STIL: variants seen among roughly 807,000 people sequenced by gnomAD.
STIL encodes STIL centriolar assembly protein.
STIL carries 55 observed loss-of-function variants against 110.1 expected under a neutral mutation model. The ratio of observed to expected loss-of-function variants is 0.50; its 90% CI spans 0.40 to 0.63. The LOEUF (loss-of-function observed/expected upper bound fraction) is 0.63. STIL is among the 20% of genes least tolerant of loss of function. The probability of loss-of-function intolerance (pLI) is 0.00; values close to 1 mark genes in which losing one functional copy is unlikely to be tolerated. For synonymous variants in STIL, 481 were observed against 530.0 expected (o/e 0.91, Z 1.27); for missense variants, 1,358 against 1,530.0 (o/e 0.89, Z 1.87).
At chr1:47,289,057 A>C (rs1645393823) in intron 9 of STIL, among the ~76,000 whole-genome samples, 1 of 85,154 alleles carries the variant, frequency 1.2e-5, no homozygotes, top group South Asian at 4.1e-4. Flanking sequence ...GTGAGATTCC[A>C]TCTCAAAAAA....
Position 47,304,946 on chromosome 1 carries a change from G to A in STIL, c.95C>T (p.Ala32Val). The part of the protein sequence containing the change: ...VPFHFPPSKC[A>V]LWNPTPTGDF... The stretch of plus-strand genomic sequence containing the variant: ...TCCAGTTGGCGTTGGGTTCCAAAGT[G>A]CACATTTTGATGGAGGAAAGTGGAA... The change falls in exon 3 of 17, where the codon GCA becomes GTA. Residue 32 changes from alanine (A) to valine (V), a missense_variant. Transcript: ENST00000371877. 6.2e-7 allele frequency: 1 copy of A among 1,613,978 alleles called. No individual in the cohort carries two copies.
At chr1:47,295,378 G>C (rs961643252) in intron 7 of STIL, among the ~76,000 whole-genome samples, 1 of 151,898 alleles carries the variant, frequency 6.6e-6, no homozygotes, top group Non-Finnish European at 1.5e-5. Flanking sequence ...CCACGGGTTC[G>C]AGACGAGCCT....
intron 7 of STIL, among the ~76,000 whole-genome samples, chr1:47,293,779 G>A (rs1336047268): frequency 6.6e-6 from 1 of 152,014 alleles, no homozygotes; most frequent in African/African-American, 2.4e-5. Context: ...TATCGAGAGA[G>A]AGAGAGAGAA....
intron 8 of STIL, among the ~76,000 whole-genome samples, chr1:47,291,392 AAAAATTT>A (rs1645485379): frequency 6.6e-6 from 1 of 151,666 alleles, no homozygotes; most frequent in South Asian, 2.1e-4. Context: ...ATAAATAAAT[AAAAATTT>A]AAAAATTAAA....
chr1:47,281,389 G>C (rs1305978579), intron 11 of STIL, among the ~76,000 whole-genome samples, 180 bp from the exon 12 acceptor site: 1 of 152,132 alleles, frequency 6.6e-6, no homozygotes, highest in East Asian at 1.9e-4. Flanking sequence ...CACTAGGAAT[G>C]CAATTGTAAG....
At position 47,264,473 on chromosome 1, in the gene STIL, C is replaced by T. The variant is rs140647201; in HGVS notation, c.2616-1357G>A. Among the ~76,000 whole-genome samples the T allele has an allele frequency of 3.6e-3, 548 of 152,208 alleles. 5 individuals carry two copies. The highest frequency in any genetic ancestry group is 0.012 in the African/African-American group (511 of 41,548). ...CAAGTATTATTAGGTATGCCCAAAG[C>T]ACAGCTTCTAAAGAAAAATATGGAT... On this transcript the variant is annotated intron_variant, in intron 14 of 16. Transcript: ENST00000371877.
rs74074062 is a variant in STIL, at chr1:47,279,972, A to C, written c.2217+269T>G. On this transcript the variant is annotated intron_variant, in intron 12 of 16. Transcript: ENST00000371877. ...TTATAACAGACTTTTCATTAGAGGC[A>C]AAAAATAAAAATACAATTCTATTGT... Among the ~76,000 whole-genome samples the C allele has an allele frequency of 0.047, 7,210 of 152,224 alleles. 565 individuals are homozygous for C. Among genetic ancestry groups the C allele is most frequent in the African/African-American group, 0.16 (6,707 of 41,490 alleles).
Position 47,280,858 on chromosome 1 carries a change from T to C in STIL, c.1600A>G (p.Ile534Val), listed in dbSNP as rs1453376249. 1 of 1,614,098 alleles carries C rather than the reference T, an allele frequency of 6.2e-7. No homozygotes were observed. Among genetic ancestry groups the C allele is most frequent in the African/African-American group, 1.3e-5 (1 of 74,942 alleles). Reference sequence around the variant, plus strand: ...GAAACTGTTTGGAGCTTTTCAAATATATCATGAGATGGCCCATTATGAGAA... The same window carrying C: ...GAAACTGTTTGGAGCTTTTCAAATACATCATGAGATGGCCCATTATGAGAA... The part of the protein sequence containing the change: ...PSSHNGPSHD[I>V]FEKLQTVSAG... Residue 534 changes from isoleucine to valine, a missense_variant, in exon 12 of 17, where the codon ATA (isoleucine) becomes GTA (valine). Coordinates refer to ENST00000371877, the MANE Select transcript of STIL (RefSeq NM_001048166.1).
intron 6 of STIL, among the ~76,000 whole-genome samples, chr1:47,298,932 G>A (rs1481879412): frequency 2.0e-5 from 3 of 151,776 alleles, no homozygotes; most frequent in Non-Finnish European, 4.4e-5. Flanking sequence ...GTTATTTTTA[G>A]TAGAGATGGA....
Position 47,302,270 on chromosome 1 carries a change from A to T in STIL, c.229T>A (p.Ser77Thr). Residue 77 changes from serine to threonine, a missense_variant, in exon 4 of 17, where the codon TCA (serine) becomes ACA (threonine). Ser to Thr is a moderately conservative substitution (Grantham distance 58, BLOSUM62 1). Coordinates refer to ENST00000371877, the MANE Select transcript of STIL (RefSeq NM_001048166.1). ...RHAKQNKKNS[S>T]CFLLGSLTAD... Reference sequence around the variant, plus strand: ...GTCAGAGAACCAAGTAAAAAGCATGACGAATTTTTTTTATTCTGCTTAGCA... The same window carrying T: ...GTCAGAGAACCAAGTAAAAAGCATGTCGAATTTTTTTTATTCTGCTTAGCA... 6.2e-7 allele frequency: 1 copy of T among 1,614,018 alleles called. No homozygotes were observed. Among genetic ancestry groups the T allele is most frequent in the Non-Finnish European group, 8.5e-7 (1 of 1,179,970 alleles).
At chr1:47,295,890 A>G in intron 6 of STIL, 42 bp from the exon 7 acceptor site, 1 of 1,388,024 alleles carries the variant, frequency 7.2e-7, no homozygotes, top group East Asian at 2.3e-5. Flanking sequence ...GAAATTATGT[A>G]CTTTTTACCT....
At chr1:47,270,545 A>G (rs988286056) in intron 13 of STIL, among the ~76,000 whole-genome samples, 2 of 151,800 alleles carry the variant, frequency 1.3e-5, no homozygotes, top group African/African-American at 4.8e-5. Flanking sequence ...TAAAATACAA[A>G]TCCCTAGGTT....
chr1:47,302,522 T>G (rs1645835614), intron 3 of STIL, among the ~76,000 whole-genome samples, 176 bp from the exon 4 acceptor site: 1 of 152,176 alleles, frequency 6.6e-6, no homozygotes, highest in Non-Finnish European at 1.5e-5. Flanking sequence ...GAAACTAGAA[T>G]GGCAATAAAC....
At chr1:47,309,859 C>T (rs1213992421) in intron 2 of STIL, among the ~76,000 whole-genome samples, 3 of 152,166 alleles carry the variant, frequency 2.0e-5, no homozygotes, top group Non-Finnish European at 2.9e-5. Flanking sequence ...GGAAGGAACC[C>T]AACCAATTTC....
intron 2 of STIL, among the ~76,000 whole-genome samples, chr1:47,307,714 A>C (rs937239347): frequency 6.6e-6 from 1 of 152,250 alleles, no homozygotes; most frequent in Non-Finnish European, 1.5e-5. Flanking sequence ...AGATAACCTT[A>C]AACTCTGACC....
intron 14 of STIL, among the ~76,000 whole-genome samples, chr1:47,266,133 A>G (rs1346578404): frequency 2.0e-5 from 3 of 152,176 alleles, no homozygotes; most frequent in Non-Finnish European, 4.4e-5. Context: ...CATACACAAA[A>G]GAGCTTTTCT....
intron 14 of STIL, among the ~76,000 whole-genome samples, chr1:47,264,859 A>G (rs1644589245): frequency 6.6e-6 from 1 of 151,668 alleles, no homozygotes; most frequent in Non-Finnish European, 1.5e-5. Context: ...TGGGATCGAC[A>G]GAGTTAATTA....
At chr1:47,303,663 A>C (rs1645870711) in intron 3 of STIL, among the ~76,000 whole-genome samples, 1 of 152,182 alleles carries the variant, frequency 6.6e-6, no homozygotes, top group African/African-American at 2.4e-5. Context: ...ACTACTCAAA[A>C]TGTACAGAAA....
At chr1:47,268,939 A>G (rs1478704546) in intron 14 of STIL, among the ~76,000 whole-genome samples, 1 of 150,852 alleles carries the variant, frequency 6.6e-6, no homozygotes, top group African/African-American at 2.4e-5. Flanking sequence ...TAAAAATACA[A>G]ACACGGAATT....
Sources: allele counts gnomAD v4.1 joint callset (sites outside exome capture counted in the v4.1 genomes callset), GRCh38; gene constraint gnomAD v4.1.1; transcripts MANE v1.5; gene names NCBI Gene and HGNC (gene_info 2026-07-23, HGNC 2026-07-21).